FRMD1: variants seen among roughly 807,000 people sequenced by gnomAD.
FRMD1 encodes the protein FERM domain-containing protein 1.
Under a neutral mutation model 54.9 loss-of-function variants are expected in FRMD1, and 51 were observed. The observed-to-expected ratio is 0.93, with a 90% CI of 0.74 to 1.17. The LOEUF (loss-of-function observed/expected upper bound fraction) is 1.17, where lower values mean the gene tolerates loss of function less well. FRMD1 is among the 50% of genes most tolerant of loss of function. FRMD1 has a pLI of 0.00. For synonymous variants in FRMD1, 324 were observed against 306.4 expected, an observed-to-expected ratio of 1.06 and a Z score of -0.60; for missense variants, 729 against 743.0, an observed-to-expected ratio of 0.98 and a Z score of 0.22.
At chr6:168,078,813 C>CA in intron 1 of FRMD1, 69 bp downstream of exon 1, 1 of 1,331,054 alleles carries the variant, frequency 7.5e-7, no homozygotes, top group Non-Finnish European at 9.9e-7. Flanking sequence ...CTCACCCCCA[C>CA]GGCCACCCGG....
chr6:168,081,212 G>A (rs1206692735), upstream of FRMD1: 8 of 732,782 alleles, frequency 1.1e-5, no homozygotes, highest in Admixed American at 3.3e-5. Flanking sequence ...TCCAAGGCAA[G>A]GGTGGTCGCC....
chr6:168,090,452 CT>C (rs1381995699), intron 1 of FRMD1, among the ~76,000 whole-genome samples: 2 of 152,190 alleles, frequency 1.3e-5, no homozygotes, highest in Non-Finnish European at 2.9e-5. Flanking sequence ...CTCCCTGCCC[CT>C]GGGCCTTTGC....
rs571266498 is a variant in FRMD1, at chr6:168,061,682, G to C, written c.1045+125C>G. On this transcript the variant is annotated intron_variant, in intron 8 of 10. Transcript: ENST00000283309. ...CCTTCGACCTCAGCATCTGGGGGAC[G>C]TGGGAGTCAGGAGGCCACAACAATA... is the stretch of plus-strand genomic sequence containing the variant. The C allele has an allele frequency of 3.9e-6, 4 of 1,028,346 alleles. No individual in the cohort carries two copies. In the African/African-American group the frequency reaches 6.4e-5, roughly 17 times the overall value. The allele number at this position is 1,028,346 out of a possible 1,614,324, so 63.7% of individuals were successfully genotyped here. A position where few individuals can be genotyped will look rare whatever the true frequency, so the allele number is the denominator to read the frequency against.
rs1562408153 is a variant in FRMD1 at position 168,061,153 on chromosome 6, C to T, written c.1046-96G>A. On this transcript the variant is annotated intron_variant, in intron 8 of 10. Coordinates refer to ENST00000283309, the MANE Select transcript of FRMD1 (RefSeq NM_024919.6). ...CCCGGGAGACAGAAATGCACACCCA[C>T]AGCCCAGATGAGGACGTGGAACAGG... The T allele has an allele frequency of 2.4e-6, 3 of 1,248,290 alleles. No homozygotes were observed. In the South Asian group the frequency reaches 4.4e-5, roughly 18 times the overall value. The allele number at this position is 1,248,290 out of a possible 1,614,324, so 77.3% of individuals were successfully genotyped here.
intron 1 of FRMD1, among the ~76,000 whole-genome samples, chr6:168,076,598 A>T (rs979345609): frequency 3.3e-5 from 5 of 152,184 alleles, no homozygotes; most frequent in Admixed American, 2.0e-4. Context: ...CCCTGTGAAG[A>T]GGTGCCTTCT....
Position 168,077,943 on chromosome 6 carries a change from C to T in FRMD1, c.213+939G>A, listed in dbSNP as rs538269157. On this transcript the variant is annotated intron_variant, in intron 1 of 10. Coordinates refer to ENST00000283309, the MANE Select transcript of FRMD1 (RefSeq NM_024919.6). ...ACACAGAGTCTTGGGGAAGATTTTG[C>T]CACAAACATAGATGTGGGCGTTTAC... 2.6e-5 allele frequency among the ~76,000 whole-genome samples: 4 copies of T among 152,224 alleles called. No individual in the cohort carries two copies. In the South Asian group the frequency reaches 8.3e-4, roughly 32 times the overall value.
chr6:168,091,647 C>T (rs1801018457), intron 1 of FRMD1, among the ~76,000 whole-genome samples: 2 of 152,248 alleles, frequency 1.3e-5, no homozygotes, highest in Admixed American at 6.5e-5. Flanking sequence ...GTGTATCTAG[C>T]AAGTGCTGGT....
At position 168,057,217 on chromosome 6, in the gene FRMD1, G is replaced by C; in HGVS notation, c.1530C>G (p.Ala510=). The change falls in exon 11 of 11, where the codon GCC becomes GCG. Residue 510 remains alanine (A), a synonymous_variant. Transcript: ENST00000283309. ...PTSLSHTFHR[A]LDCRLAGPCE... ...AGGGGCCTGCCAGCCTGCAGTCCAG[G>C]GCGCGGTGGAAGGTATGGCTGAGTG... is the stretch of plus-strand genomic sequence containing the variant. 6.2e-7 allele frequency: 1 copy of C among 1,608,840 alleles called. No homozygotes were observed. Among genetic ancestry groups the C allele is most frequent in the Middle Eastern group, 1.7e-4 (1 of 6,034 alleles).
In FRMD1 at chr6:168,064,948, G is replaced by A. The variant is rs1799949929; in HGVS notation, c.571C>T (p.Gln191Ter). 6.2e-7 allele frequency: 1 copy of A among 1,611,350 alleles called. No individual in the cohort carries two copies. Among genetic ancestry groups the A allele is most frequent in the African/African-American group, 1.3e-5 (1 of 74,910 alleles). ...AYFLLAACAL[Q>*]ADLGEHRESA... ...TCCCGGTGCTCGCCCAGGTCAGCCTGCAGCGCGCAGGCAGCCAGCAGGAAG... is the reference window on the plus strand; with the variant it reads ...TCCCGGTGCTCGCCCAGGTCAGCCTACAGCGCGCAGGCAGCCAGCAGGAAG... The change falls in exon 5 of 11, where the codon CAG (glutamine) becomes TAG (stop). Residue 191 changes from glutamine to a stop codon, truncating the protein, a stop_gained. Transcript: ENST00000283309. LOFTEE classifies it high-confidence loss of function.
At position 168,066,742 on chromosome 6, in the gene FRMD1, C is replaced by T. The variant is rs749227555; in HGVS notation, c.461+13G>A. The T allele has an allele frequency of 1.9e-5, 31 of 1,609,362 alleles. No homozygotes were observed. Among genetic ancestry groups the T allele is most frequent in the Middle Eastern group, 1.7e-4 (1 of 5,930 alleles). Reference sequence around the variant, plus strand: ...ATTCCAGGAAACACCCCTTACAGTCCGCATGCCGTTACCTTATGACCCTTC... The same window carrying T: ...ATTCCAGGAAACACCCCTTACAGTCTGCATGCCGTTACCTTATGACCCTTC... On this transcript the variant is annotated intron_variant, in intron 4 of 10. Coordinates refer to ENST00000283309, the MANE Select transcript of FRMD1 (RefSeq NM_024919.6).
chr6:168,070,682 TAC>T (rs59184286), intron 2 of FRMD1, among the ~76,000 whole-genome samples: 4 of 152,182 alleles, frequency 2.6e-5, no homozygotes, highest in African/African-American at 4.8e-5. Flanking sequence ...TATGTATCTA[TAC>T]ACACACACAC....
upstream of FRMD1, among the ~76,000 whole-genome samples, chr6:168,080,033 C>A (rs13192116): frequency 0.75 from 114,065 of 151,926 alleles, 42,935 homozygotes; most frequent in Middle Eastern, 0.84. Flanking sequence ...CAGCCGTGAG[C>A]TCCATCAGTT....
chr6:168,086,704 G>A (rs1379853804), intron 1 of FRMD1, among the ~76,000 whole-genome samples: 2 of 152,222 alleles, frequency 1.3e-5, no homozygotes, highest in Non-Finnish European at 1.5e-5. Flanking sequence ...TGCATCCCTT[G>A]GGCCGTCGTC....
At chr6:168,091,139 G>C (rs899059518) in intron 1 of FRMD1, among the ~76,000 whole-genome samples, 4 of 152,208 alleles carry the variant, frequency 2.6e-5, no homozygotes, top group Non-Finnish European at 5.9e-5. Context: ...AAAGACAAAA[G>C]ATAGCCCACA....
At chr6:168,083,903 A>G (rs1440984069), upstream of FRMD1, among the ~76,000 whole-genome samples, 1 of 152,178 alleles carries the variant, frequency 6.6e-6, no homozygotes, top group Non-Finnish European at 1.5e-5. Flanking sequence ...TTTAATGTAA[A>G]TCAATTTACT....
chr6:168,064,291 G>A (rs1799912601), intron 5 of FRMD1, among the ~76,000 whole-genome samples: 1 of 152,186 alleles, frequency 6.6e-6, no homozygotes, highest in Non-Finnish European at 1.5e-5. Context: ...AGCGGTCAAG[G>A]AGAGAAACCT....
At chr6:168,066,600 ACCC>A in intron 4 of FRMD1, 152 bp downstream of exon 4, 1 of 1,420,750 alleles carries the variant, frequency 7.0e-7, no homozygotes, top group Non-Finnish European at 9.2e-7. Flanking sequence ...TCCTGTGTTA[ACCC>A]CAAAGCAAAC....
At chr6:168,058,912 T>G (rs1402191347) in intron 10 of FRMD1, among the ~76,000 whole-genome samples, 1 of 151,850 alleles carries the variant, frequency 6.6e-6, no homozygotes, top group African/African-American at 2.4e-5. Flanking sequence ...GCCGACTCAC[T>G]CGGCCCTGAG....
intron 1 of FRMD1, 110 bp from the exon 2 acceptor site, chr6:168,075,445 A>G (rs1036075728): frequency 3.6e-6 from 3 of 831,304 alleles, no homozygotes; most frequent in Non-Finnish European, 6.1e-6. Context: ...CCAGTCAGGC[A>G]TCCCCTGCAG....
Sources: allele counts gnomAD v4.1 joint callset (sites outside exome capture counted in the v4.1 genomes callset), GRCh38; gene constraint gnomAD v4.1.1; transcripts MANE v1.5; gene names NCBI Gene and HGNC (gene_info 2026-07-23, HGNC 2026-07-21).